The following C1orf87 variants were observed in gnomAD, a reference collection of about 807,000 sequenced individuals.
C1orf87 encodes uncharacterized protein C1orf87.
A neutral mutation model predicts 60.5 loss-of-function variants in C1orf87; 58 were observed. The ratio of observed to expected loss-of-function variants is 0.96; its 90% CI spans 0.78 to 1.19. C1orf87 has a LOEUF of 1.19. C1orf87 is among the 50% of genes most tolerant of loss of function. C1orf87 has a pLI of 0.00. For synonymous variants in C1orf87, 236 were observed against 227.4 expected, an observed-to-expected ratio of 1.04 and a Z score of -0.34; for missense variants, 673 against 638.6, an observed-to-expected ratio of 1.05 and a Z score of -0.58.
chr1:60,039,348 C>T (rs1243033496), intron 5 of C1orf87, among the ~76,000 whole-genome samples: 1 of 152,164 alleles, frequency 6.6e-6, no homozygotes, highest in African/African-American at 2.4e-5. Context: ...TCTTTATATT[C>T]AGACATAGGT....
chr1:60,047,069 C>A (rs1306898123), intron 3 of C1orf87, among the ~76,000 whole-genome samples: 1 of 152,102 alleles, frequency 6.6e-6, no homozygotes, highest in Non-Finnish European at 1.5e-5. Context: ...CTTTCGTTTT[C>A]ATTAGGGCTT....
chr1:60,008,989 C>A (rs949069722), intron 9 of C1orf87: 1 of 192,184 alleles, frequency 5.2e-6, no homozygotes, highest in South Asian at 8.4e-5. Context: ...GTGGTAGCTG[C>A]TTTCTACAGT....
chr1:60,062,096 G>A (rs947845939), intron 2 of C1orf87, among the ~76,000 whole-genome samples: 3 of 152,164 alleles, frequency 2.0e-5, no homozygotes, highest in Non-Finnish European at 2.9e-5. Context: ...AAGATGGCCC[G>A]AGAGGCAGAA....
chr1:60,067,438 G>A (rs1353250851), intron 2 of C1orf87, among the ~76,000 whole-genome samples: 1 of 151,720 alleles, frequency 6.6e-6, no homozygotes, highest in Non-Finnish European at 1.5e-5. Context: ...TCTCATTACG[G>A]TTTTGATTTG....
At chr1:59,999,481 C>T (rs1221250326) in intron 10 of C1orf87, among the ~76,000 whole-genome samples, 1 of 152,098 alleles carries the variant, frequency 6.6e-6, no homozygotes, top group Admixed American at 6.5e-5. Flanking sequence ...TTAGAGAGAT[C>T]ACAGGTGCCC....
chr1:60,037,914 T>G, intron 6 of C1orf87, 78 bp downstream of exon 6: 1 of 857,854 alleles, frequency 1.2e-6, no homozygotes, highest in Non-Finnish European at 1.8e-6. Context: ...GCCACCCAGT[T>G]TATGGTACTT....
intron 6 of C1orf87, among the ~76,000 whole-genome samples, chr1:60,033,880 C>A (rs1377990666): frequency 1.3e-5 from 2 of 152,190 alleles, no homozygotes; most frequent in South Asian, 4.1e-4. Context: ...AGGCACCAAC[C>A]AATCTGACTA....
intron 3 of C1orf87, among the ~76,000 whole-genome samples, chr1:60,041,883 A>G (rs34781888): frequency 0.12 from 18,043 of 152,120 alleles, 1,360 homozygotes; most frequent in East Asian, 0.23. Context: ...TCCTGCCTTA[A>G]ATAAATCCAA....
intron 2 of C1orf87, among the ~76,000 whole-genome samples, chr1:60,057,207 C>A (rs114748113): frequency 6.6e-6 from 1 of 152,108 alleles, no homozygotes; most frequent in Non-Finnish European, 1.5e-5. Context: ...GTATTAAATG[C>A]TGCTGAGAAA....
At chr1:60,038,597 A>G (rs1481866450) in intron 5 of C1orf87, among the ~76,000 whole-genome samples, 1 of 151,982 alleles carries the variant, frequency 6.6e-6, no homozygotes, top group African/African-American at 2.4e-5. Context: ...CTATAGTACA[A>G]CCTAACCTCT....
intron 4 of C1orf87, among the ~76,000 whole-genome samples, chr1:60,040,511 C>T (rs1450335431): frequency 6.6e-6 from 1 of 152,182 alleles, no homozygotes; most frequent in Non-Finnish European, 1.5e-5. Flanking sequence ...AGACCCATTG[C>T]AGCTGGGAGT....
chr1:60,028,155 G>A (rs907724266), intron 7 of C1orf87, among the ~76,000 whole-genome samples: 1 of 152,128 alleles, frequency 6.6e-6, no homozygotes, highest in African/African-American at 2.4e-5. Flanking sequence ...TCAGAGATTG[G>A]TCACACTAGG....
chr1:60,046,450 T>C (rs1230600523), intron 3 of C1orf87, among the ~76,000 whole-genome samples: 1 of 147,926 alleles, frequency 6.8e-6, no homozygotes, highest in Admixed American at 6.8e-5. Context: ...CTTCTTTTTT[T>C]TTTTTTTTTA....
chr1:60,049,270 CA>C (rs1645396004), intron 3 of C1orf87, among the ~76,000 whole-genome samples: 1 of 151,986 alleles, frequency 6.6e-6, no homozygotes, highest in South Asian at 2.1e-4. Context: ...TGGATTTTGC[CA>C]AATTATGTTA....
In C1orf87 at chr1:59,997,678, A is replaced by T; in HGVS notation, c.1411T>A (p.Cys471Ser). ...CTGAACCTGTCTATCCACGTCTCAC[A>T]TTCCTCAGCCTTGTTCTTCACAGCT... ...NPAVKNKAEE[C>S]ETWIDRFRKL... The change falls in exon 11 of 12, where the codon TGT becomes AGT. Residue 471 changes from cysteine to serine, a missense_variant. Coordinates refer to ENST00000371201, the MANE Select transcript of C1orf87 (RefSeq NM_152377.3). The T allele has an allele frequency of 1.2e-6, 2 of 1,613,980 alleles. No homozygotes were observed. The highest frequency in any genetic ancestry group is 1.7e-6 in the Non-Finnish European group (2 of 1,179,900).
At chr1:60,038,264 A>T (rs1645292676) in intron 5 of C1orf87, among the ~76,000 whole-genome samples, 157 bp from the exon 6 acceptor site, 1 of 152,166 alleles carries the variant, frequency 6.6e-6, no homozygotes, top group Non-Finnish European at 1.5e-5. Flanking sequence ...TTTAGCAAGT[A>T]TTCTTATTAT....
chr1:60,007,970 C>T (rs1447813394), intron 9 of C1orf87, among the ~76,000 whole-genome samples: 1 of 151,990 alleles, frequency 6.6e-6, no homozygotes, highest in African/African-American at 2.4e-5. Context: ...TAATGCCCCT[C>T]CTTCACTTTG....
chr1:60,062,176 C>T (rs1049958735), intron 2 of C1orf87, among the ~76,000 whole-genome samples: 3 of 152,176 alleles, frequency 2.0e-5, no homozygotes, highest in African/African-American at 7.2e-5. Context: ...TCCTACCAAC[C>T]TTGCAGCTGC....
intron 2 of C1orf87, among the ~76,000 whole-genome samples, chr1:60,069,163 C>G (rs1202373306): frequency 1.3e-5 from 2 of 152,038 alleles, no homozygotes; most frequent in Admixed American, 6.6e-5. Context: ...CCAGGTGGGG[C>G]AGGCAAATGT....
Sources: allele counts gnomAD v4.1 joint callset (sites outside exome capture counted in the v4.1 genomes callset), GRCh38; gene constraint gnomAD v4.1.1; transcripts MANE v1.5; gene names NCBI Gene and HGNC (gene_info 2026-07-23, HGNC 2026-07-21).